Variants in UGT3A2 observed in about 807,000 individuals in gnomAD.
UGT3A2 encodes UDP glycosyltransferase family 3 member A2.
Under a neutral mutation model 39.8 loss-of-function variants are expected in UGT3A2, and 32 were observed. The ratio of observed to expected loss-of-function variants is 0.80; its 90% confidence interval spans 0.61 to 1.08. The LOEUF (loss-of-function observed/expected upper bound fraction) is 1.08. Among genes scored for constraint, UGT3A2 ranks in the 50% least tolerant of loss-of-function variants. The pLI, the probability that UGT3A2 is intolerant of heterozygous loss-of-function variation, is 0.00. For missense variants in UGT3A2, 611 were observed against 637.1 expected (o/e 0.96, Z 0.44); for synonymous variants, 241 against 230.7 (o/e 1.04, Z -0.40).
At chr5:36,036,126 A>G (rs373961739) in intron 6 of UGT3A2, 152 bp from the exon 7 acceptor site, 2 of 995,232 alleles carry the variant, frequency 2.0e-6, no homozygotes, top group South Asian at 1.8e-5. Context: ...AAATTTAATC[A>G]TGACACCTAC....
rs1167071355 is a variant in UGT3A2 at position 36,049,437 on chromosome 5, A to G, written c.312-17T>C. The G allele has an allele frequency of 2.6e-6, 4 of 1,510,444 alleles. No homozygotes were observed. The highest frequency in any genetic ancestry group is 1.4e-5 in the African/African-American group (1 of 71,400). 93.6% of individuals were successfully genotyped at this position (1,510,444 alleles called of 1,614,324 possible). ...AATTTTCCTCTGTAAGAAAAAAATGATAATAAATATTCATGGGAAGTGTTA... is the reference window on the plus strand; with the variant it reads ...AATTTTCCTCTGTAAGAAAAAAATGGTAATAAATATTCATGGGAAGTGTTA... On this transcript the variant is annotated splice_polypyrimidine_tract_variant and intron_variant, in intron 3 of 6. Coordinates refer to ENST00000282507, the MANE Select transcript of UGT3A2 (RefSeq NM_174914.4).
chr5:36,047,511 C>G (rs146195076), intron 4 of UGT3A2, among the ~76,000 whole-genome samples: 1 of 152,216 alleles, frequency 6.6e-6, no homozygotes, highest in Non-Finnish European at 1.5e-5. Flanking sequence ...CATTCTATTA[C>G]GTGGTTCAGA....
intron 4 of UGT3A2, among the ~76,000 whole-genome samples, chr5:36,042,941 G>A (rs1742056857): frequency 1.3e-5 from 2 of 151,880 alleles, no homozygotes; most frequent in Admixed American, 1.3e-4. Flanking sequence ...ATAATAGATG[G>A]AAAATGCAAC....
rs560695377 is a variant in UGT3A2 at position 36,038,211 on chromosome 5, A to C, written c.1076-195T>G. Among the ~76,000 whole-genome samples the C allele has an allele frequency of 1.6e-4, 25 of 152,290 alleles. 1 individual carries two copies. The South Asian group carries it at 5.2e-3, about 32-fold the overall frequency. ...ATTCCAAGCGTTGCTATCGTATGGA[A>C]ACATCTTCCCTCAGCCAGAAATTCA... On this transcript the variant is annotated intron_variant, in intron 5 of 6. Coordinates refer to ENST00000282507, the MANE Select transcript of UGT3A2 (RefSeq NM_174914.4).
intron 6 of UGT3A2, among the ~76,000 whole-genome samples, chr5:36,036,361 C>T (rs907864537): frequency 3.3e-5 from 5 of 152,214 alleles, no homozygotes; most frequent in African/African-American, 4.8e-5. Flanking sequence ...CCTACACATT[C>T]CTGCACCATC....
At chr5:36,051,116 G>A (rs536912531) in intron 3 of UGT3A2, among the ~76,000 whole-genome samples, 1 of 152,142 alleles carries the variant, frequency 6.6e-6, no homozygotes, top group Non-Finnish European at 1.5e-5. Flanking sequence ...TGGTGTTCCA[G>A]CTTGGGTGAG....
intron 3 of UGT3A2, 38 bp from the exon 4 acceptor site, chr5:36,049,458 T>G: frequency 6.9e-7 from 1 of 1,459,056 alleles, no homozygotes; most frequent in Non-Finnish European, 9.2e-7. Context: ...TCATGGGAAG[T>G]GTTAAATTTA....
rs75588404 is a variant in UGT3A2, at chr5:36,039,841, C to G, written c.844-133G>C. 0.021 allele frequency: 14,566 copies of G among 687,678 alleles called. 1,634 individuals carry two copies. In the African/African-American group the frequency reaches 0.23, roughly 11 times the overall value. The allele number at this position is 687,678 out of a possible 1,614,324, so 42.6% of individuals were successfully genotyped here. On this transcript the variant is annotated intron_variant, in intron 4 of 6. Transcript: ENST00000282507. ...TGTCCCAAAGCTATTATTATAGCTC[C>G]TAGTATAGCTCGATACTAGCTGCAC...
At position 36,035,984 on chromosome 5, in the gene UGT3A2, G is replaced by A. The variant is rs1268326521; in HGVS notation, c.1296-10C>T. On this transcript the variant is annotated splice_polypyrimidine_tract_variant and intron_variant, in intron 6 of 6. Transcript: ENST00000282507. ...TGCCGCGGACTTGTATCTGTTGAGAGAGATAGAGAGGGGGCATTACTAATG... is the reference window on the plus strand; with the variant it reads ...TGCCGCGGACTTGTATCTGTTGAGAAAGATAGAGAGGGGGCATTACTAATG... The A allele has an allele frequency of 5.6e-6, 9 of 1,611,070 alleles. No individual in the cohort carries two copies. The highest frequency in any genetic ancestry group is 7.6e-6 in the Non-Finnish European group (9 of 1,177,486).
At chr5:36,058,201 A>G (rs1206753849) in intron 2 of UGT3A2, among the ~76,000 whole-genome samples, 2 of 151,962 alleles carry the variant, frequency 1.3e-5, no homozygotes, top group East Asian at 3.8e-4. Context: ...TCCAGCCATA[A>G]AAAAGTTCTA....
At chr5:36,055,013 T>C (rs1166660153) in intron 2 of UGT3A2, among the ~76,000 whole-genome samples, 2 of 151,902 alleles carry the variant, frequency 1.3e-5, no homozygotes, top group Non-Finnish European at 2.9e-5. Context: ...CTTCTGAAGG[T>C]ATAAAATTCT....
intron 2 of UGT3A2, among the ~76,000 whole-genome samples, chr5:36,056,085 A>G (rs542169126): frequency 3.8e-4 from 58 of 152,240 alleles, no homozygotes; most frequent in African/African-American, 1.4e-3. Context: ...GGCTTCTGCC[A>G]TTATGGTTGA....
At chr5:36,039,844 G>C in intron 4 of UGT3A2, 136 bp from the exon 5 acceptor site, 1 of 681,292 alleles carries the variant, frequency 1.5e-6, no homozygotes, top group South Asian at 1.8e-5. Context: ...ATAGCTCCTA[G>C]TATAGCTCGA....
chr5:36,044,816 T>C (rs1742117586), intron 4 of UGT3A2, among the ~76,000 whole-genome samples: 1 of 152,134 alleles, frequency 6.6e-6, no homozygotes, highest in Non-Finnish European at 1.5e-5. Flanking sequence ...AAAACATTGA[T>C]GCAATTAATT....
At chr5:36,044,560 TA>T (rs1742109501) in intron 4 of UGT3A2, among the ~76,000 whole-genome samples, 1 of 152,164 alleles carries the variant, frequency 6.6e-6, no homozygotes, top group Non-Finnish European at 1.5e-5. Context: ...GCAAATTATA[TA>T]ATCTTATATT....
chr5:36,064,386 G>A, intron 1 of UGT3A2, 36 bp from the exon 2 acceptor site: 1 of 1,555,758 alleles, frequency 6.4e-7, no homozygotes, highest in Non-Finnish European at 8.9e-7. Flanking sequence ...CTGGAATGAT[G>A]AGAATACAGT....
Position 36,065,987 on chromosome 5 carries a change from GGTAAAA to G in UGT3A2, c.94+703_94+708del, listed in dbSNP as rs538282382. Among the ~76,000 whole-genome samples the G allele has an allele frequency of 4.9e-4, 75 of 152,126 alleles. 1 individual carries two copies. In the South Asian group the frequency reaches 0.015, roughly 30 times the overall value. Reference sequence around the variant, plus strand: ...CTCTTTTATCTTCTATTCCCTTTGGGGTAAAAGTAAAAGAAGTAAAACTGAGACCCA... The same window carrying G: ...CTCTTTTATCTTCTATTCCCTTTGGGGTAAAAGAAGTAAAACTGAGACCCA... On this transcript the variant is annotated intron_variant, in intron 1 of 6. Transcript: ENST00000282507.
intron 2 of UGT3A2, among the ~76,000 whole-genome samples, chr5:36,052,430 G>A (rs192378044): frequency 6.6e-6 from 1 of 150,870 alleles, no homozygotes; most frequent in African/African-American, 2.4e-5. Flanking sequence ...TTGCCTGCTT[G>A]GCCCCTTCTT....
At chr5:36,043,091 C>T (rs1003067608) in intron 4 of UGT3A2, among the ~76,000 whole-genome samples, 1 of 152,082 alleles carries the variant, frequency 6.6e-6, no homozygotes, top group Non-Finnish European at 1.5e-5. Context: ...TTCTTCTACT[C>T]AGCACATGGA....
Sources: gnomAD v4.1 joint callset for allele counts (sites outside exome capture counted in the v4.1 genomes callset) on GRCh38, gnomAD v4.1.1 for gene constraint, MANE v1.5 for transcripts, NCBI Gene and HGNC (gene_info 2026-07-23, HGNC 2026-07-21) for gene names.